FBLN7: variants seen among roughly 807,000 people sequenced by gnomAD.
The protein encoded by FBLN7 is fibulin 7, also known as fibulin-7.
In FBLN7, 31 loss-of-function variants were observed where a neutral mutation model predicts 44.0. The observed-to-expected ratio is 0.70, with a 90% CI of 0.53 to 0.95. The LOEUF (loss-of-function observed/expected upper bound fraction) is 0.95. Ranked by LOEUF, FBLN7 falls within the 40% of genes least tolerant of loss-of-function variation. The pLI is 0.00. For missense variants in FBLN7, 573 were observed against 618.5 expected (o/e 0.93, Z 0.78); for synonymous variants, 262 against 253.4 (o/e 1.03, Z -0.32).
chr2:112,214,980 G>A, the FBLN7 span: 7 of 151,878 alleles, frequency 4.6e-5, no homozygotes, highest in South Asian at 2.1e-4. Context: ...AAATCTCTGC[G>A]GTGTCTTTTA....
the FBLN7 span, among the ~76,000 whole-genome samples, chr2:112,204,017 G>C: frequency 2.0e-5 from 3 of 151,912 alleles, no homozygotes; most frequent in African/African-American, 7.3e-5. Flanking sequence ...GCTTACTAGA[G>C]AAAGACTTTA....
At chr2:112,207,927 T>A in the FBLN7 span, among the ~76,000 whole-genome samples, 67 of 152,336 alleles carry the variant, frequency 4.4e-4, 1 homozygote, top group Middle Eastern at 0.01. Context: ...GGGTCATTTT[T>A]AAAAAATCCG....
the FBLN7 span, among the ~76,000 whole-genome samples, chr2:112,208,329 A>G: frequency 6.6e-6 from 1 of 152,224 alleles, no homozygotes; most frequent in East Asian, 1.9e-4. Flanking sequence ...TGAATCCTGG[A>G]GGCGGAGGTT....
chr2:112,183,057 C>G, intron 6 of FBLN7, 129 bp downstream of exon 6: 1 of 1,264,040 alleles, frequency 7.9e-7, no homozygotes, highest in Non-Finnish European at 1.1e-6. Flanking sequence ...TTTTAAAAAG[C>G]CACCAACCAA....
intron 1 of FBLN7, among the ~76,000 whole-genome samples, chr2:112,149,570 G>A (rs1165000627): frequency 6.6e-6 from 1 of 152,138 alleles, no homozygotes; most frequent in Non-Finnish European, 1.5e-5. Flanking sequence ...GCCTGACTGT[G>A]CTGGCCACTC....
chr2:112,154,237 C>T (rs903968454), intron 1 of FBLN7, among the ~76,000 whole-genome samples: 2 of 152,176 alleles, frequency 1.3e-5, no homozygotes, highest in Non-Finnish European at 2.9e-5. Flanking sequence ...GAAATGGAAA[C>T]TATTCGTCAT....
At chr2:112,142,463 C>A (rs1488678245) in intron 1 of FBLN7, among the ~76,000 whole-genome samples, 1 of 152,184 alleles carries the variant, frequency 6.6e-6, no homozygotes, top group African/African-American at 2.4e-5. Flanking sequence ...CCCTGGGACT[C>A]CTGAACCCAC....
At chr2:112,161,798 C>G (rs1681885085) in intron 2 of FBLN7, among the ~76,000 whole-genome samples, 1 of 152,194 alleles carries the variant, frequency 6.6e-6, no homozygotes. Context: ...TTTAAAGTGC[C>G]AAATTCTCTT....
intron 3 of FBLN7, among the ~76,000 whole-genome samples, chr2:112,165,516 C>T (rs543777422): frequency 2.6e-4 from 40 of 152,266 alleles, no homozygotes; most frequent in African/African-American, 7.7e-4. Flanking sequence ...CCAGAGTCTG[C>T]GCTCCTTCAC....
At chr2:112,185,493 C>T (rs12711736) in intron 7 of FBLN7, among the ~76,000 whole-genome samples, 154 bp downstream of exon 7, 109,781 of 152,042 alleles carry the variant, frequency 0.72, 40,195 homozygotes, top group East Asian at 0.98. Flanking sequence ...TTTCCATTTC[C>T]GCTTAGTGGT....
At chr2:112,146,857 G>A (rs1338065459) in intron 1 of FBLN7, among the ~76,000 whole-genome samples, 2 of 152,128 alleles carry the variant, frequency 1.3e-5, no homozygotes, top group Admixed American at 6.5e-5. Context: ...ACAGGAGAGC[G>A]AACATTCTTG....
intron 1 of FBLN7, 57 bp from the exon 2 acceptor site, chr2:112,159,619 G>A: frequency 7.7e-6 from 11 of 1,425,482 alleles, no homozygotes; most frequent in Non-Finnish European, 1.0e-5. Context: ...GCTCAGACAA[G>A]CATGTGGGAC....
chr2:112,180,489 T>A (rs1682925980), intron 4 of FBLN7, among the ~76,000 whole-genome samples: 1 of 152,168 alleles, frequency 6.6e-6, no homozygotes, highest in Non-Finnish European at 1.5e-5. Context: ...ATCCTATTAC[T>A]GGGTATATAC....
chr2:112,199,840 C>G, the FBLN7 span, among the ~76,000 whole-genome samples: 1 of 152,078 alleles, frequency 6.6e-6, no homozygotes, highest in Admixed American at 6.5e-5. Context: ...GAGGGAAGGG[C>G]TTTATTATAG....
At chr2:112,147,767 A>G (rs1680961569) in intron 1 of FBLN7, among the ~76,000 whole-genome samples, 1 of 152,226 alleles carries the variant, frequency 6.6e-6, no homozygotes, top group African/African-American at 2.4e-5. Flanking sequence ...ATCCTTAGGA[A>G]AATGATTTTT....
Position 112,159,712 on chromosome 2 carries a change from C to A in FBLN7, c.112C>A (p.Arg38Ser). 6.3e-7 allele frequency: 1 copy of A among 1,578,964 alleles called. No individual in the cohort carries two copies. Among genetic ancestry groups the A allele is most frequent in the Non-Finnish European group, 8.6e-7 (1 of 1,162,138 alleles). ...LSKQQLLSAIRQLQQLLKGQE... is the reference protein window; with the variant it reads ...LSKQQLLSAISQLQQLLKGQE... ...CAAACAGCAGCTCCTCTCGGCCATC[C>A]GCCAGCTGCAGCAGCTGCTGAAGGG... is the stretch of plus-strand genomic sequence containing the variant. Residue 38 changes from arginine to serine, a missense_variant, in exon 2 of 8, where the codon CGC becomes AGC. Physicochemically the swap from Arg to Ser is moderately radical, Grantham distance 110. Coordinates refer to ENST00000331203, the MANE Select transcript of FBLN7 (RefSeq NM_153214.3).
the FBLN7 span, among the ~76,000 whole-genome samples, chr2:112,202,002 T>C: frequency 1.3e-5 from 2 of 152,214 alleles, no homozygotes; most frequent in Non-Finnish European, 2.9e-5. Context: ...CAAATATACC[T>C]GCCAAGCAAC....
chr2:112,170,839 A>G (rs1163757962), intron 3 of FBLN7, among the ~76,000 whole-genome samples: 1 of 152,252 alleles, frequency 6.6e-6, no homozygotes, highest in Non-Finnish European at 1.5e-5. Flanking sequence ...ATAGGTGGCT[A>G]TTGCAGAAGT....
At chr2:112,233,383 G>C in the FBLN7 span, 1 of 1,517,288 alleles carries the variant, frequency 6.6e-7, no homozygotes, top group Non-Finnish European at 9.0e-7. Flanking sequence ...TAGGCCAAAA[G>C]AAGGAGCAAG....
Sources: gnomAD v4.1 joint callset for allele counts (sites outside exome capture counted in the v4.1 genomes callset) on GRCh38, gnomAD v4.1.1 for gene constraint, MANE v1.5 for transcripts, NCBI Gene and HGNC (gene_info 2026-07-23, HGNC 2026-07-21) for gene names.